Variants in RMDN1 observed in about 807,000 individuals in gnomAD.
RMDN1 encodes the protein regulator of microtubule dynamics protein 1.
In RMDN1, 48 loss-of-function variants were observed where a neutral mutation model predicts 48.9. The observed-to-expected ratio is 0.98, with a 90% CI of 0.78 to 1.25. The LOEUF is 1.25. Among genes scored for constraint, RMDN1 ranks in the 50% most tolerant of loss-of-function variants. The pLI is 0.00. For missense variants in RMDN1, 418 were observed against 373.4 expected, an observed-to-expected ratio of 1.12 and a Z score of -0.98; for synonymous variants, 148 against 132.6, an observed-to-expected ratio of 1.12 and a Z score of -0.80.
intron 2 of RMDN1, chr8:86,504,955 A>C (rs1819060726): frequency 3.0e-6 from 4 of 1,340,776 alleles, no homozygotes; most frequent in Non-Finnish European, 4.3e-6. Flanking sequence ...GCTTTTGAGG[A>C]TATCACATGG....
intron 2 of RMDN1, chr8:86,504,699 G>C: frequency 2.2e-6 from 2 of 901,230 alleles, no homozygotes; most frequent in South Asian, 2.6e-5. Flanking sequence ...CTTGGTCTTT[G>C]TGGCCTTTGA....
intron 3 of RMDN1, among the ~76,000 whole-genome samples, chr8:86,486,966 T>C (rs1411994572): frequency 6.6e-6 from 1 of 152,222 alleles, no homozygotes; most frequent in African/African-American, 2.4e-5. Context: ...AGGTTTGGCC[T>C]CACTGGCACT....
chr8:86,475,884 A>G (rs1261705837), intron 8 of RMDN1, among the ~76,000 whole-genome samples: 2 of 152,196 alleles, frequency 1.3e-5, no homozygotes, highest in Non-Finnish European at 1.5e-5. Context: ...TTACTCAGTC[A>G]TTCAACAGAT....
chr8:86,501,164 G>A (rs1036478563), intron 2 of RMDN1, among the ~76,000 whole-genome samples: 2 of 151,988 alleles, frequency 1.3e-5, no homozygotes, highest in Non-Finnish European at 2.9e-5. Context: ...ATTTACCCAC[G>A]TGACAAACCT....
In RMDN1 at chr8:86,488,580, A is replaced by ATT; in HGVS notation, c.306_307insAA (p.Tyr103AsnfsTer5). ...TCCTTGTATTGGGTTAGCAACTGATAAAGTTTTTCTGTTTCTCCGCTTTCA... is the reference window on the plus strand; with the variant it reads ...TCCTTGTATTGGGTTAGCAACTGATATTAAGTTTTTCTGTTTCTCCGCTTTCA... On this transcript the variant is annotated frameshift_variant, in exon 3 of 10. Transcript: ENST00000406452. LOFTEE classifies it high-confidence loss of function. The ATT allele has an allele frequency of 6.2e-7, 1 of 1,610,874 alleles. No individual in the cohort carries two copies. Among genetic ancestry groups the ATT allele is most frequent in the Non-Finnish European group, 8.5e-7 (1 of 1,178,390 alleles).
chr8:86,512,071 G>A (rs1210808240), upstream of RMDN1, among the ~76,000 whole-genome samples: 1 of 152,188 alleles, frequency 6.6e-6, no homozygotes, highest in African/African-American at 2.4e-5. Flanking sequence ...GAGAACAAAA[G>A]TAGAATGGGA....
downstream of RMDN1, chr8:86,468,343 C>T (rs534306859): frequency 7.6e-5 from 34 of 447,376 alleles, no homozygotes; most frequent in East Asian, 5.6e-4. Flanking sequence ...ATAGTAAAGA[C>T]GAAAGAAAGG....
At chr8:86,493,016 A>C (rs1348102441) in intron 2 of RMDN1, among the ~76,000 whole-genome samples, 1 of 151,572 alleles carries the variant, frequency 6.6e-6, no homozygotes, top group Non-Finnish European at 1.5e-5. Flanking sequence ...AAAAAAAAAA[A>C]CAGCAAATGG....
At chr8:86,512,840 A>G (rs1156927142), upstream of RMDN1, among the ~76,000 whole-genome samples, 2 of 151,944 alleles carry the variant, frequency 1.3e-5, no homozygotes, top group Non-Finnish European at 2.9e-5. Context: ...CTGGGAGGCC[A>G]AGGCTGGCAG....
chr8:86,481,881 C>CTAATA (rs1252184722), intron 5 of RMDN1: 1 of 758,218 alleles, frequency 1.3e-6, no homozygotes, highest in African/African-American at 1.8e-5. Flanking sequence ...CAAGGTAGAT[C>CTAATA]TAATATGTTC....
intron 2 of RMDN1, among the ~76,000 whole-genome samples, chr8:86,499,451 C>T (rs60213091): frequency 0.048 from 7,357 of 152,086 alleles, 576 homozygotes; most frequent in African/African-American, 0.17. Flanking sequence ...AAATAAAAAA[C>T]GCAACCCCAT....
chr8:86,499,426 C>T (rs912256379), intron 2 of RMDN1, among the ~76,000 whole-genome samples: 2 of 152,048 alleles, frequency 1.3e-5, no homozygotes, highest in Non-Finnish European at 2.9e-5. Context: ...ACCAATAACA[C>T]CCAAGCTGAG....
At chr8:86,502,140 A>G (rs1008016510) in intron 2 of RMDN1, among the ~76,000 whole-genome samples, 2 of 152,216 alleles carry the variant, frequency 1.3e-5, no homozygotes, top group Non-Finnish European at 2.9e-5. Flanking sequence ...AGGATTGTAA[A>G]AAACAAAAAA....
Position 86,499,297 on chromosome 8 carries a change from G to T in RMDN1, c.247+7698C>A, listed in dbSNP as rs191465396. 2.0e-3 allele frequency among the ~76,000 whole-genome samples: 301 copies of T among 152,280 alleles called. 3 individuals are homozygous for T. The highest frequency in any genetic ancestry group is 6.8e-3 in the Middle Eastern group (2 of 294). ...AACCATCTCTCCTTACAGATGATATGATTCTTTACCTAGAAAACCCCATAA... is the reference window on the plus strand; with the variant it reads ...AACCATCTCTCCTTACAGATGATATTATTCTTTACCTAGAAAACCCCATAA... On this transcript the variant is annotated intron_variant, in intron 2 of 9. Transcript: ENST00000406452.
intron 2 of RMDN1, among the ~76,000 whole-genome samples, chr8:86,505,844 G>C (rs922855501): frequency 8.2e-5 from 12 of 146,212 alleles, no homozygotes; most frequent in Non-Finnish European, 1.7e-4. Context: ...ATTACCTCTT[G>C]ACAATTTCTG....
chr8:86,492,651 TTAATAATAATAATAATAATAA>T lies in RMDN1; in HGVS notation c.248-4033_248-4013del, dbSNP rs71574272. On this transcript the variant is annotated intron_variant, in intron 2 of 9. Transcript: ENST00000406452. Reference sequence around the variant, plus strand: ...CTGGGGTACAGAGCAAGACTCCGCCTTAATAATAATAATAATAATAATAATAATAATAATAATAAAGAGATA... The same window carrying T: ...CTGGGGTACAGAGCAAGACTCCGCCTTAATAATAATAATAATAAAGAGATA... 4.2e-5 allele frequency among the ~76,000 whole-genome samples: 6 copies of T among 144,282 alleles called. No homozygotes were observed. In the South Asian group the frequency reaches 1.1e-3, roughly 27 times the overall value. 94.7% of individuals were successfully genotyped at this position (144,282 alleles called of 152,430 possible).
intron 2 of RMDN1, among the ~76,000 whole-genome samples, chr8:86,498,536 T>C (rs1029433233): frequency 6.6e-6 from 1 of 152,058 alleles, no homozygotes; most frequent in Non-Finnish European, 1.5e-5. Context: ...CCCAGCACTT[T>C]GGGAAGCTGA....
At chr8:86,468,278 C>A, downstream of RMDN1, 1 of 395,944 alleles carries the variant, frequency 2.5e-6, no homozygotes, top group South Asian at 1.9e-5. Flanking sequence ...ATTGTTTTGC[C>A]AAAATTTTAT....
At chr8:86,492,286 T>C (rs1816640070) in intron 2 of RMDN1, among the ~76,000 whole-genome samples, 1 of 152,186 alleles carries the variant, frequency 6.6e-6, no homozygotes, top group South Asian at 2.1e-4. Context: ...ATTTTACACA[T>C]GAGCTTTCAT....
Sources: gnomAD v4.1 joint callset for allele counts (sites outside exome capture counted in the v4.1 genomes callset) on GRCh38, gnomAD v4.1.1 for gene constraint, MANE v1.5 for transcripts, NCBI Gene and HGNC (gene_info 2026-07-23, HGNC 2026-07-21) for gene names.